The following MYO16 variants were observed in gnomAD, a reference collection of about 807,000 sequenced individuals.
MYO16 encodes unconventional myosin-XVI.
A neutral mutation model predicts 205.3 loss-of-function variants in MYO16; 94 were observed. The ratio of observed to expected loss-of-function variants is 0.46; its 90% CI spans 0.39 to 0.54. The LOEUF (loss-of-function observed/expected upper bound fraction) is 0.54. Among genes scored for constraint, MYO16 ranks in the 20% least tolerant of loss-of-function variants. The pLI, the probability that MYO16 is intolerant of heterozygous loss-of-function variation, is 0.00. For missense variants in MYO16, 2,315 were observed against 2,387.5 expected (o/e 0.97, Z 0.63); for synonymous variants, 988 against 954.0 (o/e 1.04, Z -0.66).
intron 2 of MYO16, among the ~76,000 whole-genome samples, chr13:108,687,049 A>C: frequency 6.6e-6 from 1 of 152,226 alleles, no homozygotes. Flanking sequence ...TTGGCTGCCT[A>C]TTCTAAAATT....
In MYO16 at chr13:108,971,203, CCTT is replaced by C. The variant is rs566231183; in HGVS notation, c.2369+6306_2369+6308del. Among the ~76,000 whole-genome samples the C allele has an allele frequency of 4.6e-5, 7 of 152,006 alleles. No individual in the cohort carries two copies. The South Asian group carries it at 1.5e-3, about 32-fold the overall frequency. On this transcript the variant is annotated intron_variant, in intron 20 of 34. Transcript: ENST00000457511. ...AATTATTGTTTTTCCTCATTTGAAT[CCTT>C]CTTCAGGGTTTTGCAAGCACATAGA...
chr13:108,656,296 G>T (rs1280406412), intron 1 of MYO16, among the ~76,000 whole-genome samples: 1 of 152,082 alleles, frequency 6.6e-6, no homozygotes, highest in African/African-American at 2.4e-5. Context: ...TTCCATTTTT[G>T]CATCTTCCTC....
chr13:108,811,624 C>G (rs1342272539), intron 7 of MYO16, among the ~76,000 whole-genome samples: 1 of 151,886 alleles, frequency 6.6e-6, no homozygotes, highest in African/African-American at 2.4e-5. Flanking sequence ...CACCACAAAA[C>G]TAATCCTTTG....
intron 28 of MYO16, among the ~76,000 whole-genome samples, chr13:109,111,610 G>A (rs1889287291): frequency 6.6e-6 from 1 of 151,996 alleles, no homozygotes; most frequent in Admixed American, 6.6e-5. Context: ...TTTAATTGCA[G>A]AAAAGAAGCT....
chr13:108,692,772 C>G (rs947598511), intron 2 of MYO16, among the ~76,000 whole-genome samples: 3 of 152,102 alleles, frequency 2.0e-5, no homozygotes, highest in African/African-American at 7.2e-5. Context: ...AGTGATTGAA[C>G]TAGGAACCTG....
In MYO16 at chr13:108,727,474, T is replaced by C. The variant is rs1196703685; in HGVS notation, c.398T>C (p.Ile133Thr). The change falls in exon 4 of 35, where the codon ATT becomes ACT. Residue 133 changes from isoleucine to threonine, a missense_variant. By Grantham distance (89) the Ile-to-Thr change is moderately conservative. Around this residue, in one of 3 missense-constraint regions of MYO16, gnomAD observed 1,213 missense variants for 1,274.4 expected, o/e 0.95. Coordinates refer to ENST00000457511, the MANE Select transcript of MYO16 (RefSeq NM_001198950.3). The part of the protein sequence containing the change: ...ARYDNAFIAE[I>T]LIDRGVNVNH... ...TATGATAATGCCTTCATTGCAGAAA[T>C]TCTGATTGACAGAGGAGTCAACGTC... 1.2e-6 allele frequency: 2 copies of C among 1,613,904 alleles called. No homozygotes were observed. Among genetic ancestry groups the C allele is most frequent in the African/African-American group, 2.7e-5 (2 of 74,904 alleles).
chr13:108,586,511 T>C, the MYO16 span, among the ~76,000 whole-genome samples: 44 of 152,316 alleles, frequency 2.9e-4, 1 homozygote, highest in Non-Finnish European at 5.7e-4. Context: ...AGATTTTTAT[T>C]GCTGCTAACT....
intron 22 of MYO16, among the ~76,000 whole-genome samples, chr13:109,013,230 C>G (rs1885678100): frequency 6.7e-6 from 1 of 149,830 alleles, no homozygotes; most frequent in Non-Finnish European, 1.5e-5. Flanking sequence ...GGTTTTCTGT[C>G]CTTGCGATAG....
At chr13:108,608,887 A>C (rs1048738017) in intron 1 of MYO16, among the ~76,000 whole-genome samples, 27 of 152,130 alleles carry the variant, frequency 1.8e-4, no homozygotes, top group Admixed American at 6.6e-5. Context: ...CAGGGGATCC[A>C]CCTGCCTCAG....
chr13:108,790,601 G>A (rs1466967372), intron 5 of MYO16, among the ~76,000 whole-genome samples: 2 of 152,116 alleles, frequency 1.3e-5, no homozygotes, highest in Non-Finnish European at 2.9e-5. Context: ...TTATCCAGGA[G>A]CATTAAAGAA....
At chr13:109,022,188 A>G (rs1239753809) in intron 23 of MYO16, among the ~76,000 whole-genome samples, 1 of 136,230 alleles carries the variant, frequency 7.3e-6, no homozygotes. Flanking sequence ...TATATATTAT[A>G]TATTTATAAT....
At chr13:108,836,627 G>A (rs990281923) in intron 9 of MYO16, among the ~76,000 whole-genome samples, 1 of 152,160 alleles carries the variant, frequency 6.6e-6, no homozygotes, top group Non-Finnish European at 1.5e-5. Flanking sequence ...AAAACCACAG[G>A]GACAGAGCTA....
At chr13:108,900,294 C>G (rs1050554652) in intron 15 of MYO16, among the ~76,000 whole-genome samples, 5 of 152,174 alleles carry the variant, frequency 3.3e-5, no homozygotes, top group Admixed American at 6.5e-5. Flanking sequence ...TCTATGAACA[C>G]TTGGTCCCTC....
intron 20 of MYO16, among the ~76,000 whole-genome samples, chr13:108,980,723 G>A (rs1884422982): frequency 6.6e-6 from 1 of 152,164 alleles, no homozygotes; most frequent in African/African-American, 2.4e-5. Context: ...ACTGTCTAGT[G>A]GAAAATACAT....
chr13:108,823,392 T>TGTATATA (rs1876088529), intron 9 of MYO16, 114 bp downstream of exon 9: 1 of 918,508 alleles, frequency 1.1e-6, no homozygotes, highest in Non-Finnish European at 1.6e-6. Flanking sequence ...AAATGGTTTA[T>TGTATATA]CAATGTATAT....
intron 16 of MYO16, among the ~76,000 whole-genome samples, chr13:108,937,159 T>C (rs1882526300): frequency 6.6e-6 from 1 of 152,198 alleles, no homozygotes; most frequent in African/African-American, 2.4e-5. Flanking sequence ...TCTTTAAAAA[T>C]ACTGAAAACA....
At chr13:108,653,768 C>T (rs1315789329) in intron 1 of MYO16, among the ~76,000 whole-genome samples, 2 of 150,968 alleles carry the variant, frequency 1.3e-5, no homozygotes, top group Non-Finnish European at 2.9e-5. Context: ...TGCACACACA[C>T]ACATGCATAT....
At chr13:108,622,421 A>G (rs1879578406) in intron 1 of MYO16, among the ~76,000 whole-genome samples, 1 of 152,146 alleles carries the variant, frequency 6.6e-6, no homozygotes, top group African/African-American at 2.4e-5. Context: ...ATTCATATCC[A>G]AGGAAGTTTA....
chr13:109,073,968 C>T (rs779247706), intron 27 of MYO16, among the ~76,000 whole-genome samples: 3 of 152,218 alleles, frequency 2.0e-5, no homozygotes, highest in Non-Finnish European at 1.5e-5. Context: ...CGGGAAGGTA[C>T]TCCTTCAGTG....
Sources: gnomAD v4.1 joint callset for allele counts (sites outside exome capture counted in the v4.1 genomes callset) on GRCh38, gnomAD v4.1.1 for gene constraint, gnomAD v4.1.1 regional missense constraint, MANE v1.5 for transcripts, NCBI Gene and HGNC (gene_info 2026-07-23, HGNC 2026-07-21) for gene names.